The following GRIP1 variants were observed in gnomAD, a reference collection of about 807,000 sequenced individuals.
The protein encoded by GRIP1 is glutamate receptor interacting protein 1.
Under a neutral mutation model 129.9 loss-of-function variants are expected in GRIP1, and 45 were observed. The ratio of observed to expected loss-of-function variants is 0.35; its 90% CI spans 0.27 to 0.44. The LOEUF (loss-of-function observed/expected upper bound fraction) is 0.44, where lower values mean the gene tolerates loss of function less well. Ranked by LOEUF, GRIP1 falls within the 20% of genes least tolerant of loss-of-function variation. The pLI, the probability that GRIP1 is intolerant of heterozygous loss-of-function variation, is 1.00. For missense variants in GRIP1, 1,196 were observed against 1,396.8 expected (o/e 0.86, Z 2.29); for synonymous variants, 530 against 520.8 (o/e 1.02, Z -0.24).
intron 15 of GRIP1, among the ~76,000 whole-genome samples, chr12:66,412,353 C>T (rs2057432758): frequency 6.6e-6 from 1 of 152,174 alleles, no homozygotes; most frequent in South Asian, 2.1e-4. Context: ...AAATAATTTC[C>T]AACCCAGAAT....
chr12:67,049,476 C>A (rs1373609686), intron 1 of GRIP1, among the ~76,000 whole-genome samples: 2 of 152,130 alleles, frequency 1.3e-5, no homozygotes, highest in African/African-American at 4.8e-5. Context: ...AAACCAAACA[C>A]CGCGTGTTCC....
chr12:66,392,522 G>T lies in GRIP1; in HGVS notation c.2270-20C>A. ...ACTGGGCTTTATAGACAGGAAAGGA[G>T]TTTAAGTATCAGAGTAAATTTAAAT... is the stretch of plus-strand genomic sequence containing the variant. On this transcript the variant is annotated intron_variant, in intron 18 of 24. Coordinates refer to ENST00000359742, the MANE Select transcript of GRIP1 (RefSeq NM_001366722.1). 6.2e-7 allele frequency: 1 copy of T among 1,608,730 alleles called. No individual in the cohort carries two copies. The highest frequency in any genetic ancestry group is 8.5e-7 in the Non-Finnish European group (1 of 1,175,162).
intron 9 of GRIP1, among the ~76,000 whole-genome samples, chr12:66,457,477 G>A (rs1447863563): frequency 1.3e-5 from 2 of 152,024 alleles, no homozygotes; most frequent in African/African-American, 2.4e-5. Context: ...GTCTGCCTAT[G>A]TTGCCCAAGC....
intron 1 of GRIP1, among the ~76,000 whole-genome samples, chr12:66,748,796 T>C (rs2037033696): frequency 6.6e-6 from 1 of 152,204 alleles, no homozygotes; most frequent in Non-Finnish European, 1.5e-5. Context: ...AGATTCAATG[T>C]TCTAATTTGT....
intron 1 of GRIP1, among the ~76,000 whole-genome samples, chr12:66,767,224 C>T (rs575530324): frequency 2.0e-4 from 30 of 151,890 alleles, no homozygotes; most frequent in Middle Eastern, 3.4e-3. Flanking sequence ...TTTTTTGCCA[C>T]GAAGAAGCAC....
chr12:67,063,894 TA>T (rs1269401001), intron 1 of GRIP1, among the ~76,000 whole-genome samples: 28 of 152,156 alleles, frequency 1.8e-4, no homozygotes, highest in Admixed American at 1.8e-3. Context: ...TTTAATTAAA[TA>T]AAATGTCGGC....
chr12:66,888,430 G>A lies in GRIP1; in HGVS notation c.58+180620C>T, dbSNP rs554729620. On this transcript the variant is annotated intron_variant, in intron 1 of 1. Coordinates refer to the GRIP1 transcript ENST00000643019. ...GCTGGAGTACAGTGGCGCGATCTCA[G>A]CTCACTGTAACCTCTGCCTCCTGGG... 2.6e-5 allele frequency among the ~76,000 whole-genome samples: 4 copies of A among 152,298 alleles called. No homozygotes were observed. In the East Asian group the frequency reaches 7.7e-4, roughly 29 times the overall value.
intron 1 of GRIP1, among the ~76,000 whole-genome samples, chr12:66,772,152 A>T (rs2037839852): frequency 6.6e-6 from 1 of 152,186 alleles, no homozygotes. Context: ...TAGTGATTTC[A>T]GTTATTTGTC....
chr12:67,000,541 T>G (rs978964619), intron 1 of GRIP1, among the ~76,000 whole-genome samples: 1 of 152,232 alleles, frequency 6.6e-6, no homozygotes, highest in African/African-American at 2.4e-5. Flanking sequence ...TGAACTGTAC[T>G]CTATAAACTT....
chr12:66,636,715 CTGTGTGTGTG>C (rs113361426), intron 1 of GRIP1, among the ~76,000 whole-genome samples: 21,305 of 145,090 alleles, frequency 0.15, 1,592 homozygotes, highest in Middle Eastern at 0.17. Flanking sequence ...CATTAGATCT[CTGTGTGTGTG>C]TGTGTGTGTG....
chr12:66,578,538 C>T lies in GRIP1; in HGVS notation c.136+18309G>A, dbSNP rs570015980. ...GGGTGACAGAGGGCACCTGGAAAAT[C>T]GGGTCACTCCCACCCAAATACTGCG... On this transcript the variant is annotated intron_variant, in intron 2 of 24. Transcript: ENST00000359742. Among the ~76,000 whole-genome samples, 83 of 152,232 alleles carry T rather than the reference C, an allele frequency of 5.5e-4. 1 individual carries two copies. Among genetic ancestry groups the T allele is most frequent in the Middle Eastern group, 6.8e-3 (2 of 294 alleles).
chr12:67,006,907 T>C lies in GRIP1; in HGVS notation c.58+62143A>G, dbSNP rs150149098. The stretch of plus-strand genomic sequence containing the variant: ...AGTTCTGATGAATTCAGAGCTTAAG[T>C]AGAGTTTGGCCAATCACTGCTCACC... On this transcript the variant is annotated intron_variant, in intron 1 of 1. Transcript: ENST00000643019. Among the ~76,000 whole-genome samples, 29 of 152,374 alleles carry C rather than the reference T, an allele frequency of 1.9e-4. No individual in the cohort carries two copies. In the East Asian group the frequency reaches 5.0e-3, roughly 26 times the overall value.
chr12:66,706,759 C>T (rs555394600), intron 1 of GRIP1, among the ~76,000 whole-genome samples: 11 of 152,040 alleles, frequency 7.2e-5, no homozygotes, highest in Non-Finnish European at 1.2e-4. Flanking sequence ...AGCAAACTAA[C>T]ACAATAACAG....
At chr12:66,667,431 AC>A (rs2033856707) in intron 1 of GRIP1, among the ~76,000 whole-genome samples, 1 of 152,066 alleles carries the variant, frequency 6.6e-6, no homozygotes, top group Non-Finnish European at 1.5e-5. Context: ...TTCCTGAATC[AC>A]CTCTTCTTTC....
intron 1 of GRIP1, among the ~76,000 whole-genome samples, chr12:66,980,872 C>T (rs985649379): frequency 3.3e-5 from 5 of 152,182 alleles, no homozygotes; most frequent in Admixed American, 6.6e-5. Flanking sequence ...TACTCAGCAT[C>T]TTTCATCTTC....
upstream of GRIP1, chr12:67,069,308 GGGCGGCGGC>G (rs71088240): frequency 1.9e-3 from 270 of 140,878 alleles, 2 homozygotes; most frequent in African/African-American, 6.1e-3. Context: ...CGGCGGCTCC[GGGCGGCGGC>G]GGCGGCGGCG....
intron 1 of GRIP1, among the ~76,000 whole-genome samples, chr12:67,066,911 T>TATATACAC (rs1474197671): frequency 4.3e-5 from 6 of 140,602 alleles, no homozygotes; most frequent in Admixed American, 7.1e-5. Flanking sequence ...TATATATATA[T>TATATACAC]ACACACACAC....
chr12:66,563,061 A>C (rs1214257849), intron 2 of GRIP1, among the ~76,000 whole-genome samples: 2 of 151,940 alleles, frequency 1.3e-5, no homozygotes, highest in African/African-American at 2.4e-5. Flanking sequence ...AGGTGGTAGA[A>C]AATCTGTGTT....
chr12:66,827,250 G>C (rs1457034019), intron 1 of GRIP1, among the ~76,000 whole-genome samples: 1 of 151,994 alleles, frequency 6.6e-6, no homozygotes, highest in Non-Finnish European at 1.5e-5. Flanking sequence ...CTCAACTAGG[G>C]AAAGAGTCTA....
Sources: allele counts gnomAD v4.1 joint callset (sites outside exome capture counted in the v4.1 genomes callset), GRCh38; gene constraint gnomAD v4.1.1; transcripts MANE v1.5; gene names NCBI Gene and HGNC (gene_info 2026-07-23, HGNC 2026-07-21).